DNAAF4: variants seen among roughly 807,000 people sequenced by gnomAD.
DNAAF4 encodes the protein dynein assembly factor 4, axonemal.
A neutral mutation model predicts 51.8 loss-of-function variants in DNAAF4; 43 were observed. That is an observed-to-expected ratio of 0.83 (90% CI 0.65 to 1.07). DNAAF4 has a LOEUF of 1.07. DNAAF4 is among the 50% of genes least tolerant of loss of function. The probability of loss-of-function intolerance (pLI) is 0.00; values close to 1 mark genes in which losing one functional copy is unlikely to be tolerated. For missense variants in DNAAF4, 581 were observed against 493.0 expected (o/e 1.18, Z -1.69); for synonymous variants, 194 against 165.6 (o/e 1.17, Z -1.32).
chr15:55,505,856 T>C (rs996312154), intron 1 of DNAAF4, among the ~76,000 whole-genome samples: 6 of 152,352 alleles, frequency 3.9e-5, no homozygotes, highest in Admixed American at 3.3e-4. Flanking sequence ...ACATGGCACA[T>C]GTATACCTAT....
Position 55,497,749 on chromosome 15 carries a change from T to C in DNAAF4, c.234A>G (p.Lys78=), listed in dbSNP as rs149208897. The change falls in exon 3 of 10, where the codon AAA becomes AAG. Residue 78 remains lysine, a synonymous_variant. Coordinates refer to ENST00000321149, the MANE Select transcript of DNAAF4 (RefSeq NM_130810.4). ...AAAGGGTCTCCCACATGGCCGCTTC[T>C]TTTTTATACAAGGTGAAGACAATGG... The part of the protein sequence containing the change: ...NDTIVFTLYK[K]EAAMWETLSV... 9.9e-6 allele frequency: 16 copies of C among 1,613,474 alleles called. No individual in the cohort carries two copies. Among genetic ancestry groups the C allele is most frequent in the African/African-American group, 8.0e-5 (6 of 74,936 alleles).
At chr15:55,442,253 G>C (rs948783933) in intron 6 of DNAAF4, among the ~76,000 whole-genome samples, 1 of 152,068 alleles carries the variant, frequency 6.6e-6, no homozygotes, top group Non-Finnish European at 1.5e-5. Context: ...TGAGTAGCTG[G>C]GACTACAGGC....
At chr15:55,450,924 C>T (rs1452379169) in intron 5 of DNAAF4, among the ~76,000 whole-genome samples, 1 of 152,092 alleles carries the variant, frequency 6.6e-6, no homozygotes, top group East Asian at 1.9e-4. Flanking sequence ...ATGATGAAAC[C>T]CTGTCTCTAC....
At chr15:55,467,982 T>C (rs2058193923) in intron 4 of DNAAF4, among the ~76,000 whole-genome samples, 1 of 152,194 alleles carries the variant, frequency 6.6e-6, no homozygotes, top group South Asian at 2.1e-4. Context: ...CTTACCTCTA[T>C]CCACTAGAGA....
At chr15:55,422,795 G>A (rs2141382627) in intron 7 of DNAAF4, among the ~76,000 whole-genome samples, 1 of 152,234 alleles carries the variant, frequency 6.6e-6, no homozygotes, top group South Asian at 2.1e-4. Flanking sequence ...TCAGGCGTTT[G>A]AGACCAACCT....
At chr15:55,489,135 G>A (rs1158990526) in intron 4 of DNAAF4, among the ~76,000 whole-genome samples, 1 of 151,712 alleles carries the variant, frequency 6.6e-6, no homozygotes, top group African/African-American at 2.4e-5. Context: ...ACATAGTGGT[G>A]CTTCCTGCTG....
At chr15:55,455,696 T>G (rs1298124605) in intron 5 of DNAAF4, among the ~76,000 whole-genome samples, 1 of 152,034 alleles carries the variant, frequency 6.6e-6, no homozygotes, top group East Asian at 1.9e-4. Flanking sequence ...CCTCCCAAAG[T>G]ACTGGGATTA....
chr15:55,440,853 T>G (rs2057699414), intron 6 of DNAAF4, among the ~76,000 whole-genome samples: 1 of 150,882 alleles, frequency 6.6e-6, no homozygotes, highest in Non-Finnish European at 1.5e-5. Context: ...AGCTAATTTT[T>G]TGTATTTTTA....
chr15:55,481,726 A>G (rs182000941), intron 4 of DNAAF4, among the ~76,000 whole-genome samples: 2 of 152,300 alleles, frequency 1.3e-5, no homozygotes, highest in Admixed American at 1.3e-4. Flanking sequence ...CTCAGGGGGA[A>G]ATGAGGCAGA....
intron 5 of DNAAF4, among the ~76,000 whole-genome samples, chr15:55,454,036 C>G (rs2057979554): frequency 6.6e-6 from 1 of 152,016 alleles, no homozygotes; most frequent in Admixed American, 6.6e-5. Flanking sequence ...TATGGTGGCT[C>G]ACGCCTGTAA....
At chr15:55,429,050 C>A (rs1247028426), downstream of DNAAF4, among the ~76,000 whole-genome samples, 1 of 142,036 alleles carries the variant, frequency 7.0e-6, no homozygotes, top group African/African-American at 2.6e-5. Context: ...GGTAAAACCC[C>A]GTCTCTACTA....
chr15:55,436,382 T>A (rs1443808933), intron 7 of DNAAF4, among the ~76,000 whole-genome samples: 1 of 152,136 alleles, frequency 6.6e-6, no homozygotes, highest in Non-Finnish European at 1.5e-5. Context: ...TATTATTATT[T>A]TTTTAATTAT....
intron 4 of DNAAF4, among the ~76,000 whole-genome samples, chr15:55,484,771 A>C (rs532679743): frequency 1.3e-5 from 2 of 152,302 alleles, no homozygotes; most frequent in East Asian, 3.9e-4. Flanking sequence ...AAGAACTTGA[A>C]GTCCCATGTT....
intron 3 of DNAAF4, among the ~76,000 whole-genome samples, chr15:55,492,498 A>C (rs1173111756): frequency 6.6e-6 from 1 of 152,186 alleles, no homozygotes; most frequent in East Asian, 1.9e-4. Context: ...AAAGAAACTC[A>C]GTTATATCAA....
intron 5 of DNAAF4, among the ~76,000 whole-genome samples, chr15:55,461,883 A>G (rs2058099036): frequency 6.6e-6 from 1 of 152,218 alleles, no homozygotes; most frequent in South Asian, 2.1e-4. Context: ...CTGATAGACC[A>G]TTAGTAAGAT....
rs769685504 is a variant in DNAAF4, at chr15:55,491,160, C to T, written c.368G>A (p.Arg123Gln). The T allele has an allele frequency of 2.4e-5, 39 of 1,613,912 alleles. 1 individual carries two copies. The highest frequency in any genetic ancestry group is 3.0e-5 in the Non-Finnish European group (35 of 1,179,982). ...EATEAKAAAK[R>Q]EDQKYALSVM... Reference sequence around the variant, plus strand: ...ACTTAGTGCGTATTTTTGATCTTCCCGCTTTGCTGCAGCTTTTGCTTCTGT... The same window carrying T: ...ACTTAGTGCGTATTTTTGATCTTCCTGCTTTGCTGCAGCTTTTGCTTCTGT... The change falls in exon 4 of 10, where the codon CGG becomes CAG. Residue 123 changes from arginine (R) to glutamine (Q), a missense_variant. By Grantham distance (43) the Arg-to-Gln change is conservative (BLOSUM62 1). Coordinates refer to ENST00000321149, the MANE Select transcript of DNAAF4 (RefSeq NM_130810.4).
Position 55,498,458 on chromosome 15 carries a change from T to A in DNAAF4, c.-129A>T, listed in dbSNP as rs116763274. ...GGCCGGGAGCCCGGCGTTCCCAGCG[T>A]GCTCCGGCGCCAGCACCTCGCGGAC... On this transcript the variant is annotated 5_prime_UTR_variant, in exon 2 of 10. Transcript: ENST00000321149. 4,611 of 1,408,482 alleles carry A rather than the reference T, an allele frequency of 3.3e-3. 131 individuals carry two copies. In the African/African-American group the frequency reaches 0.06, roughly 18 times the overall value. The allele number at this position is 1,408,482 out of a possible 1,614,324, so 87.2% of individuals were successfully genotyped here.
intron 6 of DNAAF4, among the ~76,000 whole-genome samples, chr15:55,440,734 T>TACAGTAGC (rs1402341917): frequency 6.6e-6 from 1 of 151,098 alleles, no homozygotes; most frequent in East Asian, 2.0e-4. Flanking sequence ...CAGGCTGGAG[T>TACAGTAGC]ACAGTAGCAC....
rs553022592 is a variant in DNAAF4, at chr15:55,488,730, T to G, written c.405+2393A>C. On this transcript the variant is annotated intron_variant, in intron 4 of 9. Transcript: ENST00000321149. Reference sequence around the variant, plus strand: ...CTTAATATAACCCGTATCTTCATATTTTATATATTAATTCCTCTAAATCAC... The same window carrying G: ...CTTAATATAACCCGTATCTTCATATGTTATATATTAATTCCTCTAAATCAC... Among the ~76,000 whole-genome samples, 610 of 152,262 alleles carry G rather than the reference T, an allele frequency of 4.0e-3. 2 individuals are homozygous for G. The highest frequency in any genetic ancestry group is 7.2e-3 in the Non-Finnish European group (491 of 68,026).
Sources: allele counts gnomAD v4.1 joint callset (sites outside exome capture counted in the v4.1 genomes callset), GRCh38; gene constraint gnomAD v4.1.1; transcripts MANE v1.5; gene names NCBI Gene and HGNC (gene_info 2026-07-23, HGNC 2026-07-21).